Variants in NID2 observed in about 807,000 individuals in gnomAD.
NID2 encodes nidogen 2.
In NID2, 83 loss-of-function variants were observed where a neutral mutation model predicts 145.4. That is an observed-to-expected ratio of 0.57 (90% CI 0.48 to 0.69). The LOEUF is 0.69. NID2 is among the 30% of genes least tolerant of loss of function. The pLI, the probability that NID2 is intolerant of heterozygous loss-of-function variation, is 0.00. For missense variants in NID2, 1,807 were observed against 1,765.7 expected (o/e 1.02, Z -0.42); for synonymous variants, 739 against 701.3 (o/e 1.05, Z -0.85).
chr14:52,023,294 T>C (rs1303723459), intron 12 of NID2, among the ~76,000 whole-genome samples: 1 of 151,618 alleles, frequency 6.6e-6, no homozygotes, highest in South Asian at 2.1e-4. Context: ...CTGGGCAACA[T>C]GATGAAACCC....
intron 3 of NID2, among the ~76,000 whole-genome samples, chr14:52,056,550 CT>C (rs1892850810): frequency 2.6e-5 from 4 of 152,246 alleles, no homozygotes; most frequent in Admixed American, 2.6e-4. Context: ...AATCCCAGCA[CT>C]TTGGGAAATC....
In NID2 at chr14:52,060,183, C is replaced by T; in HGVS notation, c.708G>A (p.Lys236=). The change falls in exon 3 of 22, where the codon AAG becomes AAA. Residue 236 remains lysine (K), a synonymous_variant. Transcript: ENST00000216286. ...TCAAGCTGAAATATGGTCCTTCTGA[C>T]TTCAGATCATCAGCCTCCCCTCGGC... The part of the protein sequence containing the change: ...GFCRGEADDL[K]SEGPYFSLTS... 1.2e-6 allele frequency: 2 copies of T among 1,614,076 alleles called. No homozygotes were observed. The highest frequency in any genetic ancestry group is 1.7e-6 in the Non-Finnish European group (2 of 1,180,000).
chr14:52,011,122 G>A (rs569620545), intron 17 of NID2, 75 bp from the exon 18 acceptor site: 2 of 1,461,530 alleles, frequency 1.4e-6, no homozygotes, highest in East Asian at 2.3e-5. Flanking sequence ...CCAACGGTCG[G>A]GTGGGCAGGG....
chr14:52,069,025 C>T lies in NID2; in HGVS notation c.-31G>A, dbSNP rs1452984806. 1.3e-6 allele frequency: 2 copies of T among 1,536,700 alleles called. No individual in the cohort carries two copies. Among genetic ancestry groups the T allele is most frequent in the Non-Finnish European group, 8.9e-7 (1 of 1,124,474 alleles). ...CTCGGCCGTGCGCTTACCCGCTGCA[C>T]AACGCGTCCCGCCCCGGCCTCCAGC... On this transcript the variant is annotated 5_prime_UTR_variant, in exon 1 of 22. The change creates a new upstream start codon in the 5' untranslated region. Coordinates refer to ENST00000216286, the MANE Select transcript of NID2 (RefSeq NM_007361.4).
In NID2 at chr14:52,033,906, G is replaced by A. The variant is rs368425178; in HGVS notation, c.2258-4216C>T. On this transcript the variant is annotated intron_variant, in intron 9 of 21. Transcript: ENST00000216286. ...TAAGGGTGTGCGTACTGGAGCCAGT[G>A]CCTGAGTTTGAGTCCCAGCTCACCC... Among the ~76,000 whole-genome samples, 3 of 152,152 alleles carry A rather than the reference G, an allele frequency of 2.0e-5. No individual in the cohort carries two copies. The East Asian group carries it at 5.8e-4, about 29-fold the overall frequency.
At chr14:52,035,156 CTTGGTG>C (rs1301495254) in intron 9 of NID2, among the ~76,000 whole-genome samples, 1 of 152,160 alleles carries the variant, frequency 6.6e-6, no homozygotes. Flanking sequence ...AGGGCTCACT[CTTGGTG>C]TTGGACAGTT....
rs1892164081 is a variant in NID2, at chr14:52,038,751, G to C, written c.2253C>G (p.Val751=). 1 of 1,566,590 alleles carries C rather than the reference G, an allele frequency of 6.4e-7. No homozygotes were observed. The highest frequency in any genetic ancestry group is 8.6e-7 in the Non-Finnish European group (1 of 1,157,580). ...CAACAAAAAAGGAAACCTTACCTTT[G>C]ACCGGGCCAATTTGATTGGTCACAG... The part of the protein sequence containing the change: ...RFAVTNQIGP[V]KEDSDPTPGN... The change falls in exon 9 of 22, where the codon GTC becomes GTG. Residue 751 remains valine (V), a synonymous_variant. Coordinates refer to ENST00000216286, the MANE Select transcript of NID2 (RefSeq NM_007361.4).
intron 3 of NID2, among the ~76,000 whole-genome samples, chr14:52,057,197 A>C (rs1892877678): frequency 1.3e-5 from 2 of 152,030 alleles, no homozygotes; most frequent in South Asian, 4.2e-4. Context: ...GCACACCACC[A>C]CACCCAGCTA....
At chr14:52,024,732 C>T (rs1367754330) in intron 12 of NID2, among the ~76,000 whole-genome samples, 1 of 152,036 alleles carries the variant, frequency 6.6e-6, no homozygotes, top group Non-Finnish European at 1.5e-5. Flanking sequence ...ATCCTAAAAG[C>T]AGAGAACCAG....
At chr14:52,023,859 T>A (rs916637985) in intron 12 of NID2, among the ~76,000 whole-genome samples, 2 of 152,196 alleles carry the variant, frequency 1.3e-5, no homozygotes, top group South Asian at 2.1e-4. Flanking sequence ...CCGGTTTTTT[T>A]AACAAACTAT....
Position 52,038,981 on chromosome 14 carries a change from CAACA to C in NID2, c.2027-8_2027-5del, listed in dbSNP as rs1892178447. ...CTGGAACTTGTAGAGGTCACAGCTG[CAACA>C]AACACAGTGGTAATTTTTTAAAAAT... On this transcript the variant is annotated splice_region_variant and splice_polypyrimidine_tract_variant and intron_variant, in intron 8 of 21. Coordinates refer to ENST00000216286, the MANE Select transcript of NID2 (RefSeq NM_007361.4). The C allele has an allele frequency of 6.3e-7, 1 of 1,580,220 alleles. No homozygotes were observed. Among genetic ancestry groups the C allele is most frequent in the African/African-American group, 1.4e-5 (1 of 73,542 alleles).
At chr14:52,016,889 C>T (rs1361921963) in intron 14 of NID2, among the ~76,000 whole-genome samples, 1 of 152,196 alleles carries the variant, frequency 6.6e-6, no homozygotes, top group African/African-American at 2.4e-5. Flanking sequence ...TGTCAGAGCT[C>T]AAACCCAACT....
chr14:52,067,777 G>T, intron 2 of NID2, 81 bp downstream of exon 2: 1 of 1,521,376 alleles, frequency 6.6e-7, no homozygotes, highest in Non-Finnish European at 9.1e-7. Context: ...AAACAACTCC[G>T]AGCCAGTCCC....
Position 52,044,724 on chromosome 14 carries a change from T to C in NID2, c.1430-1793A>G, listed in dbSNP as rs369943843. On this transcript the variant is annotated intron_variant, in intron 5 of 21. Transcript: ENST00000216286. ...ACTTCCCAGGCTCAAGTGATCCTCC[T>C]ATTTCAGCCTTTTGAGTAGCCGCAG... is the stretch of plus-strand genomic sequence containing the variant. Among the ~76,000 whole-genome samples the C allele has an allele frequency of 3.9e-5, 6 of 152,196 alleles. No homozygotes were observed. In the South Asian group the frequency reaches 6.2e-4, roughly 16 times the overall value.
At chr14:52,007,992 A>C (rs1452388446) in intron 18 of NID2, 25 bp from the exon 19 acceptor site, 2 of 1,587,356 alleles carry the variant, frequency 1.3e-6, no homozygotes, top group Non-Finnish European at 1.7e-6. Context: ...TCAAGATTGT[A>C]AAAGAATAGC....
intron 12 of NID2, among the ~76,000 whole-genome samples, chr14:52,025,995 GCAGCAGAGCTTCTGTA>G (rs1482534879): frequency 1.3e-5 from 2 of 152,234 alleles, no homozygotes; most frequent in African/African-American, 2.4e-5. Context: ...AGAAAACCAT[GCAGCAGAGCTTCTGTA>G]CAGCACAAGT....
Position 52,053,930 on chromosome 14 carries a change from T to C in NID2, c.1078A>G (p.Thr360Ala), listed in dbSNP as rs1892762641. Residue 360 changes from threonine to alanine, a missense_variant, in exon 5 of 22, where the codon ACC becomes GCC. By Grantham distance (58) the Thr-to-Ala change is moderately conservative (BLOSUM62 0). Coordinates refer to ENST00000216286, the MANE Select transcript of NID2 (RefSeq NM_007361.4). Reference protein sequence around the residue: ...VDTKPLEESSTLDPHTKEGTS... With the variant: ...VDTKPLEESSALDPHTKEGTS... ...CCTTCTTTGGTGTGAGGATCCAAGG[T>C]GGAAGATTCTGTTTCAGGATAGAAT... 7 of 1,613,418 alleles carry C rather than the reference T, an allele frequency of 4.3e-6. No individual in the cohort carries two copies. The highest frequency in any genetic ancestry group is 5.1e-6 in the Non-Finnish European group (6 of 1,179,728).
At chr14:52,011,342 G>A (rs1009635767) in intron 17 of NID2, among the ~76,000 whole-genome samples, 3 of 152,174 alleles carry the variant, frequency 2.0e-5, no homozygotes, top group African/African-American at 7.2e-5. Flanking sequence ...ATTCTTTTAA[G>A]AAGTGCGCAC....
chr14:52,024,855 G>A (rs1304506517), intron 12 of NID2, among the ~76,000 whole-genome samples: 1 of 152,088 alleles, frequency 6.6e-6, no homozygotes, highest in Non-Finnish European at 1.5e-5. Flanking sequence ...CATGACCCCA[G>A]AAGGTAATCA....
Sources: allele counts gnomAD v4.1 joint callset (sites outside exome capture counted in the v4.1 genomes callset), GRCh38; gene constraint gnomAD v4.1.1; transcripts MANE v1.5; gene names NCBI Gene and HGNC (gene_info 2026-07-23, HGNC 2026-07-21).